Variants in HNMT observed in about 807,000 individuals in gnomAD.
HNMT encodes histamine N-methyltransferase.
Under a neutral mutation model 32.1 loss-of-function variants are expected in HNMT, and 30 were observed. The observed-to-expected ratio is 0.93, with a 90% CI of 0.70 to 1.27. HNMT has a LOEUF of 1.27. Ranked by LOEUF, HNMT falls within the 50% of genes most tolerant of loss-of-function variation. HNMT has a pLI of 0.00. For synonymous variants in HNMT, 125 were observed against 119.0 expected (o/e 1.05, Z -0.33); for missense variants, 327 against 346.0 (o/e 0.95, Z 0.43).
At chr2:138,004,126 A>T (rs934410047) in intron 4 of HNMT, among the ~76,000 whole-genome samples, 6 of 80,190 alleles carry the variant, frequency 7.5e-5, no homozygotes, top group Non-Finnish European at 1.6e-4. Flanking sequence ...TTTGAGAAAA[A>T]TTTAAGGTAT....
chr2:137,994,672 A>G (rs1454082072), intron 2 of HNMT, among the ~76,000 whole-genome samples: 1 of 152,238 alleles, frequency 6.6e-6, no homozygotes, highest in Non-Finnish European at 1.5e-5. Flanking sequence ...AAGTGGACCT[A>G]GTAGACATCT....
chr2:137,981,351 G>A lies in HNMT; in HGVS notation c.190+11134G>A, dbSNP rs1294378679. Reference sequence around the variant, plus strand: ...TCTGAGTTGCCATTTGGAGCTGCCCGTTTAGAAAGCAAATCTGCATTTCCC... The same window carrying A: ...TCTGAGTTGCCATTTGGAGCTGCCCATTTAGAAAGCAAATCTGCATTTCCC... On this transcript the variant is annotated intron_variant, in intron 2 of 5. Coordinates refer to ENST00000280097, the MANE Select transcript of HNMT (RefSeq NM_006895.3). The A allele has an allele frequency of 5.5e-5, 88 of 1,612,684 alleles. 1 individual carries two copies. Among genetic ancestry groups the A allele is most frequent in the Non-Finnish European group, 7.3e-5 (86 of 1,179,718 alleles).
At chr2:137,982,512 C>T (rs964248923) in intron 2 of HNMT, among the ~76,000 whole-genome samples, 15 of 152,046 alleles carry the variant, frequency 9.9e-5, no homozygotes, top group African/African-American at 3.4e-4. Context: ...CTGAGGGACA[C>T]GGTGGTACCA....
intron 2 of HNMT, among the ~76,000 whole-genome samples, chr2:137,999,427 G>A (rs1681093657): frequency 1.3e-5 from 2 of 151,974 alleles, no homozygotes; most frequent in Admixed American, 1.3e-4. Context: ...CACACACCAT[G>A]TACGCCATCT....
chr2:137,983,866 G>C (rs2104947327), intron 2 of HNMT, among the ~76,000 whole-genome samples: 1 of 152,334 alleles, frequency 6.6e-6, no homozygotes, highest in Admixed American at 6.5e-5. Context: ...AGAAGAGTAG[G>C]AGGATAGGGA....
chr2:137,971,468 TGCCCAGCCCTAA>T (rs1320860182), intron 2 of HNMT, among the ~76,000 whole-genome samples: 1 of 152,160 alleles, frequency 6.6e-6, no homozygotes, highest in Non-Finnish European at 1.5e-5. Context: ...ATGAGTCACA[TGCCCAGCCCTAA>T]GCATACTTTT....
At chr2:137,985,200 A>G (rs939226151) in intron 2 of HNMT, among the ~76,000 whole-genome samples, 1 of 142,206 alleles carries the variant, frequency 7.0e-6, no homozygotes, top group African/African-American at 2.6e-5. Flanking sequence ...AGGAACCGAA[A>G]CTAAAAAAAA....
At chr2:138,011,873 C>T (rs1032428275) in intron 5 of HNMT, among the ~76,000 whole-genome samples, 9 of 152,084 alleles carry the variant, frequency 5.9e-5, no homozygotes, top group Middle Eastern at 3.4e-3. Context: ...ATATTATCAC[C>T]CCTGTTTTAC....
intron 2 of HNMT, chr2:137,981,138 A>G: frequency 6.1e-6 from 9 of 1,475,754 alleles, no homozygotes; most frequent in Non-Finnish European, 8.2e-6. Flanking sequence ...GATATGAGAA[A>G]AGAAGCAGGG....
intron 5 of HNMT, among the ~76,000 whole-genome samples, chr2:138,006,705 T>C (rs1257985666): frequency 1.3e-5 from 2 of 152,060 alleles, no homozygotes; most frequent in African/African-American, 4.8e-5. Flanking sequence ...AAATGTGTTG[T>C]ATGTTAATAC....
intron 5 of HNMT, among the ~76,000 whole-genome samples, chr2:138,011,826 A>T (rs951559573): frequency 3.3e-5 from 5 of 152,132 alleles, no homozygotes; most frequent in African/African-American, 1.2e-4. Flanking sequence ...TTACTTTATT[A>T]ACTCAGTGAA....
At chr2:137,979,387 C>G (rs960950053) in intron 2 of HNMT, among the ~76,000 whole-genome samples, 1 of 151,792 alleles carries the variant, frequency 6.6e-6, no homozygotes, top group African/African-American at 2.4e-5. Context: ...TCTCCTGCCT[C>G]AGCCTCCCGC....
rs1369359844 is a variant in HNMT, at chr2:138,016,020, A to G, written c.*1890A>G. The G allele has an allele frequency of 6.6e-6, 1 of 152,110 alleles. No homozygotes were observed. Among genetic ancestry groups the G allele is most frequent in the Non-Finnish European group, 1.5e-5 (1 of 67,998 alleles). 9.4% of individuals were successfully genotyped at this position (152,110 alleles called of 1,614,324 possible). ...TCCCATGAAAACCTACTAGTCAGCA[A>G]TGGGAAGTTGTATAAATTCAAGGGA... On this transcript the variant is annotated 3_prime_UTR_variant, in exon 6 of 6. Coordinates refer to ENST00000280097, the MANE Select transcript of HNMT (RefSeq NM_006895.3).
chr2:137,965,648 A>C (rs1679934210), intron 1 of HNMT, among the ~76,000 whole-genome samples: 1 of 152,208 alleles, frequency 6.6e-6, no homozygotes, highest in South Asian at 2.1e-4. Flanking sequence ...TAAGGATGCA[A>C]ACATCAAAGC....
chr2:138,010,090 C>A (rs1170768085), intron 5 of HNMT, among the ~76,000 whole-genome samples: 1 of 151,930 alleles, frequency 6.6e-6, no homozygotes, highest in Non-Finnish European at 1.5e-5. Flanking sequence ...TGTGTATGTT[C>A]ATTTGTTTCA....
At chr2:137,981,050 T>C (rs1573651983) in intron 2 of HNMT, among the ~76,000 whole-genome samples, 1 of 152,168 alleles carries the variant, frequency 6.6e-6, no homozygotes, top group South Asian at 2.1e-4. Context: ...GATATTCTAG[T>C]AGAGGGAACA....
At chr2:137,973,882 G>A (rs937703066) in intron 2 of HNMT, among the ~76,000 whole-genome samples, 2 of 151,970 alleles carry the variant, frequency 1.3e-5, no homozygotes, top group African/African-American at 4.8e-5. Flanking sequence ...GTGTTTGTGT[G>A]GAAAGAGTTT....
rs904152605 is a variant in HNMT at position 138,010,769 on chromosome 2, A to G, written c.524-3006A>G. On this transcript the variant is annotated intron_variant, in intron 5 of 5. Coordinates refer to ENST00000280097, the MANE Select transcript of HNMT (RefSeq NM_006895.3). ...GATTTGGGGATAAAAAAGAAGAGAT[A>G]TAAGAACAAGAGAGTTGGATTTCTT... 2.6e-5 allele frequency among the ~76,000 whole-genome samples: 4 copies of G among 152,238 alleles called. No homozygotes were observed. The South Asian group carries it at 8.3e-4, about 32-fold the overall frequency.
At chr2:137,964,745 T>G (rs554677097) in intron 1 of HNMT, 117 bp downstream of exon 1, 1 of 976,300 alleles carries the variant, frequency 1.0e-6, no homozygotes, top group African/African-American at 1.6e-5. Flanking sequence ...GAATTACTGA[T>G]AGCAGCTCCC....
Sources: gnomAD v4.1 joint callset for allele counts (sites outside exome capture counted in the v4.1 genomes callset) on GRCh38, gnomAD v4.1.1 for gene constraint, MANE v1.5 for transcripts, NCBI Gene and HGNC (gene_info 2026-07-23, HGNC 2026-07-21) for gene names.